MYO3A: variants seen among roughly 807,000 people sequenced by gnomAD.
MYO3A encodes the protein myosin-IIIa.
A neutral mutation model predicts 192.7 loss-of-function variants in MYO3A; 180 were observed. The observed-to-expected ratio is 0.93, with a 90% CI of 0.83 to 1.06. The LOEUF is 1.06. Ranked by LOEUF, MYO3A falls within the 50% of genes least tolerant of loss-of-function variation. The pLI, the probability that MYO3A is intolerant of heterozygous loss-of-function variation, is 0.00. For missense variants in MYO3A, 1,896 were observed against 1,905.0 expected, an observed-to-expected ratio of 1.00 and a Z score of 0.09; for synonymous variants, 628 against 645.3, an observed-to-expected ratio of 0.97 and a Z score of 0.41.
chr10:26,088,372 T>C lies in MYO3A; in HGVS notation c.1529T>C (p.Leu510Pro), dbSNP rs1836473917. ...GTGGGAGCACAGATTTCTGAATATC[T>C]CCTGGAAAAATCCCGAGTTATCCAC... is the stretch of plus-strand genomic sequence containing the variant. ...AVVGAQISEY[L>P]LEKSRVIHQA... The change falls in exon 15 of 35, where the codon CTC becomes CCC. Residue 510 changes from leucine (L) to proline (P), a missense_variant. Transcript: ENST00000642920. The C allele has an allele frequency of 6.2e-7, 1 of 1,613,832 alleles. No homozygotes were observed. The highest frequency in any genetic ancestry group is 1.3e-5 in the African/African-American group (1 of 74,898).
intron 6 of MYO3A, among the ~76,000 whole-genome samples, chr10:26,007,081 G>T (rs1218304543): frequency 6.8e-6 from 1 of 147,480 alleles, no homozygotes; most frequent in African/African-American, 2.6e-5. Context: ...TTCAATATAC[G>T]CAAATCAATA....
chr10:26,190,259 A>G (rs1843063891), intron 31 of MYO3A, among the ~76,000 whole-genome samples: 1 of 152,238 alleles, frequency 6.6e-6, no homozygotes. Context: ...AACAATGGAC[A>G]GAAGTTAATG....
At chr10:26,016,744 A>G in intron 6 of MYO3A, 76 bp from the exon 7 acceptor site, 41 of 1,379,768 alleles carry the variant, frequency 3.0e-5, no homozygotes, top group Non-Finnish European at 4.0e-5. Context: ...ATTAGTTTGC[A>G]AAAAAGATTA....
intron 4 of MYO3A, among the ~76,000 whole-genome samples, chr10:25,957,544 G>A (rs1236817006): frequency 6.6e-6 from 1 of 152,124 alleles, no homozygotes; most frequent in Non-Finnish European, 1.5e-5. Flanking sequence ...GTGTTGCAAT[G>A]AACATACATG....
chr10:26,045,912 G>A (rs1313338715), intron 10 of MYO3A, among the ~76,000 whole-genome samples: 1 of 152,094 alleles, frequency 6.6e-6, no homozygotes, highest in Non-Finnish European at 1.5e-5. Flanking sequence ...AAGAGGACAG[G>A]GTATGGAGAA....
At chr10:26,202,776 G>A (rs1196565660) in intron 33 of MYO3A, 188 bp from the exon 34 acceptor site, 1 of 598,088 alleles carries the variant, frequency 1.7e-6, no homozygotes, top group Admixed American at 3.1e-5. Context: ...GGTAAGATAT[G>A]AAGGTTTTTC....
At chr10:26,134,625 C>G (rs1299771360) in intron 20 of MYO3A, among the ~76,000 whole-genome samples, 1 of 152,004 alleles carries the variant, frequency 6.6e-6, no homozygotes, top group Non-Finnish European at 1.5e-5. Context: ...TTGTACTATT[C>G]TTGAAATTTT....
intron 14 of MYO3A, among the ~76,000 whole-genome samples, chr10:26,077,219 G>A (rs938257595): frequency 2.8e-5 from 3 of 105,946 alleles, no homozygotes; most frequent in African/African-American, 1.0e-4. Context: ...TCCTTGGTTA[G>A]GTATATTCCT....
chr10:26,021,752 C>T, intron 8 of MYO3A, 104 bp downstream of exon 8: 1 of 1,447,688 alleles, frequency 6.9e-7, no homozygotes, highest in Non-Finnish European at 9.7e-7. Flanking sequence ...TATATTCCAA[C>T]AAGTTGGGAG....
intron 4 of MYO3A, among the ~76,000 whole-genome samples, chr10:25,969,099 TGA>T (rs1838451874): frequency 1.3e-5 from 2 of 151,886 alleles, no homozygotes; most frequent in South Asian, 2.1e-4. Flanking sequence ...ATTAGCCGGG[TGA>T]GGTGGCGTGC....
At chr10:26,158,376 C>T (rs1841277053) in intron 26 of MYO3A, among the ~76,000 whole-genome samples, 1 of 151,898 alleles carries the variant, frequency 6.6e-6, no homozygotes, top group Admixed American at 6.6e-5. Context: ...CCTCAGCCTC[C>T]CGACTAGCTG....
At chr10:25,965,448 T>C (rs1326544677) in intron 4 of MYO3A, among the ~76,000 whole-genome samples, 1 of 151,988 alleles carries the variant, frequency 6.6e-6, no homozygotes, top group Non-Finnish European at 1.5e-5. Flanking sequence ...CCTTCTCCTC[T>C]CCTCAGGGGG....
Position 26,095,781 on chromosome 10 carries a change from G to C in MYO3A, c.1563-600G>C, listed in dbSNP as rs142399999. ...CATGGGATTTGAGACTTATAAGAAA[G>C]AGATTCCTCATACAAGTGAGAAAAC... On this transcript the variant is annotated intron_variant, in intron 15 of 34. Coordinates refer to ENST00000642920, the MANE Select transcript of MYO3A (RefSeq NM_017433.5). Among the ~76,000 whole-genome samples, 958 of 152,310 alleles carry C rather than the reference G, an allele frequency of 6.3e-3. 12 individuals are homozygous for C. Among genetic ancestry groups the C allele is most frequent in the African/African-American group, 0.022 (896 of 41,558 alleles).
At chr10:26,170,888 C>T (rs1359821989) in intron 29 of MYO3A, among the ~76,000 whole-genome samples, 1 of 152,212 alleles carries the variant, frequency 6.6e-6, no homozygotes, top group Non-Finnish European at 1.5e-5. Context: ...AGCCAATATG[C>T]CATTGGCCCC....
At chr10:26,135,827 A>G (rs965122922) in intron 20 of MYO3A, among the ~76,000 whole-genome samples, 2 of 151,852 alleles carry the variant, frequency 1.3e-5, no homozygotes, top group Non-Finnish European at 2.9e-5. Flanking sequence ...TTAGCCGGGC[A>G]TGGTGGTGGG....
chr10:26,014,038 C>T (rs1225168525), intron 6 of MYO3A, among the ~76,000 whole-genome samples: 1 of 151,890 alleles, frequency 6.6e-6, no homozygotes, highest in African/African-American at 2.4e-5. Context: ...AACCAAAAAC[C>T]ATATATTATC....
chr10:26,122,166 G>A (rs1316977711), intron 18 of MYO3A, among the ~76,000 whole-genome samples: 1 of 152,146 alleles, frequency 6.6e-6, no homozygotes, highest in African/African-American at 2.4e-5. Context: ...GGAATGAGTT[G>A]CAATAGAGAT....
chr10:26,176,987 G>A, intron 31 of MYO3A, 142 bp downstream of exon 31: 1 of 961,118 alleles, frequency 1.0e-6, no homozygotes, highest in Non-Finnish European at 1.6e-6. Context: ...TTTCTTATAT[G>A]GAGATACAGT....
intron 10 of MYO3A, among the ~76,000 whole-genome samples, chr10:26,035,051 A>G (rs1164320612): frequency 6.6e-6 from 1 of 152,104 alleles, no homozygotes; most frequent in Non-Finnish European, 1.5e-5. Flanking sequence ...TGTCAGTGCT[A>G]GAAGGAAAGG....
Sources: allele counts gnomAD v4.1 joint callset (sites outside exome capture counted in the v4.1 genomes callset), GRCh38; gene constraint gnomAD v4.1.1; transcripts MANE v1.5; gene names NCBI Gene and HGNC (gene_info 2026-07-23, HGNC 2026-07-21).